DGKK: variants seen among roughly 807,000 people sequenced by gnomAD.
DGKK encodes diacylglycerol kinase kappa.
Under a neutral mutation model 92.2 loss-of-function variants are expected in DGKK, and 35 were observed. That is an observed-to-expected ratio of 0.38 (90% CI 0.29 to 0.50). The LOEUF (loss-of-function observed/expected upper bound fraction) is 0.50, where lower values mean the gene tolerates loss of function less well. Ranked by LOEUF, DGKK falls within the 20% of genes least tolerant of loss-of-function variation. The pLI is 0.92. For synonymous variants in DGKK, 368 were observed against 360.6 expected (o/e 1.02, Z -0.23); for missense variants, 910 against 992.2 (o/e 0.92, Z 1.11).
chrX:50,403,353 C>CA, intron 6 of DGKK, 138 bp downstream of exon 6: 1 of 859,193 alleles, frequency 1.2e-6, no homozygotes, highest in Non-Finnish European at 1.6e-6. Context: ...GAGGGAGGTT[C>CA]ATTCTTCCAG....
Position 50,387,662 on chromosome X carries a change from A to G in DGKK, c.2019-9T>C. 1 of 1,147,450 alleles carries G rather than the reference A, an allele frequency of 8.7e-7. No homozygotes were observed. Among genetic ancestry groups the G allele is most frequent in the Admixed American group, 2.2e-5 (1 of 45,343 alleles). The allele number at this position is 1,147,450 out of a possible 1,213,427, so 94.6% of individuals were successfully genotyped here. A position where few individuals can be genotyped will look rare whatever the true frequency, so the allele number is the denominator to read the frequency against. Reference sequence around the variant, plus strand: ...CAGCTGAACACAAGAATCTGGAAAGATAAAATAGATGGCACAATGTTACAT... The same window carrying G: ...CAGCTGAACACAAGAATCTGGAAAGGTAAAATAGATGGCACAATGTTACAT... On this transcript the variant is annotated splice_polypyrimidine_tract_variant and intron_variant, in intron 13 of 27. Coordinates refer to ENST00000611977, the MANE Select transcript of DGKK (RefSeq NM_001013742.4).
At chrX:50,462,842 G>C (rs1926782427) in intron 1 of DGKK, among the ~76,000 whole-genome samples, 2 of 98,252 alleles carry the variant, frequency 2.0e-5, no homozygotes, top group Admixed American at 2.3e-4. Context: ...ATTAGAATGG[G>C]AGACATCTCT....
At position 50,470,201 on chromosome X, in the gene DGKK, C is replaced by T; in HGVS notation, c.478G>A (p.Glu160Lys). ...TCAGGGCAGAACTCTGGGGCCAGCTCTGTCACAGGTTCTGGGGTCGGCTCT... is the reference window on the plus strand; with the variant it reads ...TCAGGGCAGAACTCTGGGGCCAGCTTTGTCACAGGTTCTGGGGTCGGCTCT... ...APEPTPEPVT[E>K]LAPEFCPEAA... The change falls in exon 1 of 28, where the codon GAG becomes AAG. Residue 160 changes from glutamate to lysine, a missense_variant. Glu to Lys is a moderately conservative substitution (Grantham distance 56). Transcript: ENST00000611977. 1.7e-6 allele frequency: 2 copies of T among 1,212,029 alleles called. No homozygotes were observed. Among genetic ancestry groups the T allele is most frequent in the Non-Finnish European group, 2.2e-6 (2 of 895,474 alleles).
At chrX:50,382,713 C>A in intron 17 of DGKK, 110 bp from the exon 18 acceptor site, 1 of 525,663 alleles carries the variant, frequency 1.9e-6, no homozygotes, top group Non-Finnish European at 3.1e-6. Context: ...GGAAGGCCCC[C>A]TCCACACTGG....
At chrX:50,427,657 CAG>C (rs1925780699) in intron 1 of DGKK, among the ~76,000 whole-genome samples, 2 of 104,368 alleles carry the variant, frequency 1.9e-5, no homozygotes, top group Non-Finnish European at 3.9e-5. Context: ...AAGCAGGTAA[CAG>C]GGGAAACTGG....
At chrX:50,450,251 G>A (rs1348174595) in intron 1 of DGKK, among the ~76,000 whole-genome samples, 1 of 112,465 alleles carries the variant, frequency 8.9e-6, no homozygotes, top group African/African-American at 3.2e-5. Context: ...CTGTATTTCA[G>A]TGTGTTCCAG....
intron 8 of DGKK, among the ~76,000 whole-genome samples, chrX:50,397,341 C>A (rs1264623482): frequency 4.5e-5 from 5 of 112,301 alleles, no homozygotes; most frequent in Non-Finnish European, 9.4e-5. Context: ...CCATTCTCTT[C>A]CCGTACTTTT....
intron 8 of DGKK, among the ~76,000 whole-genome samples, chrX:50,398,225 G>A (rs144201464): frequency 9.0e-6 from 1 of 111,537 alleles, no homozygotes; most frequent in African/African-American, 3.3e-5. Flanking sequence ...CAGCCAGGGG[G>A]CATTGAACCA....
Position 50,380,018 on chromosome X carries a change from C to T in DGKK, c.2717G>A (p.Arg906His), listed in dbSNP as rs782600344. Residue 906 changes from arginine to histidine, a missense_variant, in exon 19 of 28, where the codon CGC becomes CAC. By Grantham distance (29) the Arg-to-His change is conservative. Coordinates refer to ENST00000611977, the MANE Select transcript of DGKK (RefSeq NM_001013742.4). ...TCGTTCTTCCAGTTTCCTGTAAGAG[C>T]GCTGCAAAAGTTCTTTGGTTCCCAG... ...GLLGTKELLQ[R>H]SYRKLEERVH... 2.4e-4 allele frequency: 295 copies of T among 1,210,065 alleles called. No homozygotes were observed. The highest frequency in any genetic ancestry group is 1.8e-3 in the South Asian group (103 of 56,771).
chrX:50,408,470 C>T (rs1925218233), intron 4 of DGKK, among the ~76,000 whole-genome samples: 1 of 111,817 alleles, frequency 8.9e-6, no homozygotes, highest in East Asian at 2.8e-4. Context: ...GCTCCGCCTC[C>T]CGGGTTCACG....
chrX:50,392,298 A>G, intron 10 of DGKK, 43 bp downstream of exon 10: 1 of 1,048,167 alleles, frequency 9.5e-7, no homozygotes, highest in Non-Finnish European at 1.3e-6. Context: ...GCACACCCCT[A>G]CTCTTTCTAG....
At chrX:50,394,266 C>T (rs1253240543) in intron 8 of DGKK, among the ~76,000 whole-genome samples, 1 of 111,839 alleles carries the variant, frequency 8.9e-6, no homozygotes, top group Non-Finnish European at 1.9e-5. Flanking sequence ...TGAGAAGACC[C>T]ATTTGTTTTA....
intron 1 of DGKK, among the ~76,000 whole-genome samples, chrX:50,432,815 T>C (rs1420389404): frequency 8.9e-6 from 1 of 112,189 alleles, no homozygotes; most frequent in African/African-American, 3.2e-5. Flanking sequence ...AAAGGAACAA[T>C]GTAAAGGGAA....
At chrX:50,373,548 A>G (rs1318249096) in intron 25 of DGKK, among the ~76,000 whole-genome samples, 1 of 112,284 alleles carries the variant, frequency 8.9e-6, no homozygotes, top group African/African-American at 3.2e-5. Context: ...CTCTGCCTAT[A>G]TATAGAAAGT....
At chrX:50,422,311 C>T in intron 3 of DGKK, 135 bp downstream of exon 3, 1 of 438,622 alleles carries the variant, frequency 2.3e-6, no homozygotes, top group Non-Finnish European at 3.8e-6. Context: ...AAAATGTTTG[C>T]ATGAATGATA....
chrX:50,387,506 C>T lies in DGKK; in HGVS notation c.2118+48G>A, dbSNP rs782663314. On this transcript the variant is annotated intron_variant, in intron 14 of 27. Transcript: ENST00000611977. ...ATGTTTGCTTTTTATTAAAAAGGGC[C>T]CCTGGCTGCTCCACAAAGAGTATAA... is the stretch of plus-strand genomic sequence containing the variant. The T allele has an allele frequency of 6.1e-6, 6 of 981,338 alleles. No homozygotes were observed. The African/African-American group carries it at 9.7e-5, about 16-fold the overall frequency. The allele number at this position is 981,338 out of a possible 1,213,427, so 80.9% of individuals were successfully genotyped here.
At position 50,424,354 on chromosome X, in the gene DGKK, A is replaced by G; in HGVS notation, c.650T>C (p.Ile217Thr). The G allele has an allele frequency of 2.5e-6, 3 of 1,203,611 alleles. No individual in the cohort carries two copies. The South Asian group carries it at 5.3e-5, about 21-fold the overall frequency. The change falls in exon 2 of 28, where the codon ATA becomes ACA. Residue 217 changes from isoleucine to threonine, a missense_variant. Ile to Thr is a moderately conservative substitution (Grantham distance 89). Transcript: ENST00000611977. ...CTTCAGCATAGGTCCTTCCTTCAAT[A>G]TTTTCTGAAAGATAGAAGCATGGTG... is the stretch of plus-strand genomic sequence containing the variant. ...TPMSWSRIKKILKEGPMLKNC... is the reference protein window; with the variant it reads ...TPMSWSRIKKTLKEGPMLKNC...
chrX:50,391,456 T>C lies in DGKK; in HGVS notation c.1825A>G (p.Ser609Gly). 5 of 1,211,519 alleles carry C rather than the reference T, an allele frequency of 4.1e-6. No homozygotes were observed. Among genetic ancestry groups the C allele is most frequent in the Non-Finnish European group, 5.6e-6 (5 of 895,164 alleles). ...LDILNRVEQA[S>G]VRILDRWSVM... Reference sequence around the variant, plus strand: ...ACTTACCTGTCTAGGATCCTCACACTAGCCTGCTCCACTCTGTTGAGGATG... The same window carrying C: ...ACTTACCTGTCTAGGATCCTCACACCAGCCTGCTCCACTCTGTTGAGGATG... Residue 609 changes from serine (S) to glycine (G), a missense_variant, in exon 11 of 28, where the codon AGT (serine) becomes GGT (glycine). Physicochemically the swap from Ser to Gly is moderately conservative, Grantham distance 56 (BLOSUM62 0). Coordinates refer to ENST00000611977, the MANE Select transcript of DGKK (RefSeq NM_001013742.4).
intron 1 of DGKK, among the ~76,000 whole-genome samples, chrX:50,446,907 A>ATGCATGTG (rs782162360): frequency 8.2e-5 from 9 of 110,123 alleles, no homozygotes; most frequent in Admixed American, 7.8e-4. Flanking sequence ...GTGTACGTGC[A>ATGCATGTG]TGCATGTGTG....
Sources: allele counts gnomAD v4.1 joint callset (sites outside exome capture counted in the v4.1 genomes callset), GRCh38; gene constraint gnomAD v4.1.1; transcripts MANE v1.5; gene names NCBI Gene and HGNC (gene_info 2026-07-23, HGNC 2026-07-21).